SEMA3D: variants seen among roughly 807,000 people sequenced by gnomAD.
The protein encoded by SEMA3D is semaphorin 3D.
In SEMA3D, 84 loss-of-function variants were observed where a neutral mutation model predicts 100.1. That is an observed-to-expected ratio of 0.84 (90% CI 0.70 to 1.01). The LOEUF is 1.01. Among genes scored for constraint, SEMA3D ranks in the 50% least tolerant of loss-of-function variants. The pLI, the probability that SEMA3D is intolerant of heterozygous loss-of-function variation, is 0.00. For synonymous variants in SEMA3D, 312 were observed against 320.7 expected (o/e 0.97, Z 0.29); for missense variants, 875 against 934.1 (o/e 0.94, Z 0.82).
chr7:85,045,401 C>T (rs1454546442), intron 9 of SEMA3D, among the ~76,000 whole-genome samples: 5 of 151,928 alleles, frequency 3.3e-5, no homozygotes, highest in African/African-American at 1.2e-4. Flanking sequence ...GTTAAATAAT[C>T]AGTTTCCTTT....
chr7:85,099,211 T>A (rs1348920810), intron 3 of SEMA3D, among the ~76,000 whole-genome samples: 1 of 151,952 alleles, frequency 6.6e-6, no homozygotes, highest in Admixed American at 6.6e-5. Context: ...GAACTGTAGC[T>A]TCCATGATTC....
At chr7:85,136,938 G>C (rs1460996280) in intron 2 of SEMA3D, among the ~76,000 whole-genome samples, 2 of 151,964 alleles carry the variant, frequency 1.3e-5, no homozygotes, top group African/African-American at 4.8e-5. Context: ...AGCCACTCAG[G>C]GTCAGGGTTT....
Position 85,097,971 on chromosome 7 carries a change from G to C in SEMA3D, c.152-6C>G, listed in dbSNP as rs752607123. The C allele has an allele frequency of 2.7e-6, 4 of 1,463,716 alleles. No homozygotes were observed. In the Admixed American group the frequency reaches 8.8e-5, roughly 32 times the overall value. The allele number at this position is 1,463,716 out of a possible 1,614,324, so 90.7% of individuals were successfully genotyped here. On this transcript the variant is annotated splice_polypyrimidine_tract_variant and splice_region_variant and intron_variant, in intron 3 of 18. Transcript: ENST00000284136. ...GCTATTTGAAAGCAGCAAGTCTATG[G>C]AAAGCAAAAAAAGAAAAGAAAGGAG... is the stretch of plus-strand genomic sequence containing the variant.
the SEMA3D span, among the ~76,000 whole-genome samples, chr7:85,246,430 G>T: frequency 5.3e-5 from 8 of 151,750 alleles, no homozygotes; most frequent in Non-Finnish European, 1.0e-4. Context: ...TTTTTTTTCT[G>T]TGGAGCTGTG....
chr7:85,210,214 T>C, the SEMA3D span, among the ~76,000 whole-genome samples: 19 of 152,186 alleles, frequency 1.2e-4, no homozygotes, highest in East Asian at 3.5e-3. Context: ...AAAACCTGGG[T>C]CTCTACATTA....
chr7:85,152,788 T>C (rs1195501583), intron 2 of SEMA3D, among the ~76,000 whole-genome samples: 1 of 152,146 alleles, frequency 6.6e-6, no homozygotes, highest in Non-Finnish European at 1.5e-5. Flanking sequence ...TGTATTTTGT[T>C]ATTCTATACA....
intron 1 of SEMA3D, among the ~76,000 whole-genome samples, chr7:85,154,604 G>C (rs1336843628): frequency 6.6e-6 from 1 of 152,138 alleles, no homozygotes; most frequent in Admixed American, 6.6e-5. Context: ...TATTGCAAAT[G>C]AAGTAATGGT....
At chr7:85,054,473 T>A (rs560309525) in intron 9 of SEMA3D, among the ~76,000 whole-genome samples, 3 of 152,170 alleles carry the variant, frequency 2.0e-5, no homozygotes, top group African/African-American at 7.2e-5. Flanking sequence ...TACTGTGAAT[T>A]CTTAGAGTCT....
chr7:85,052,982 C>T (rs1051207529), intron 9 of SEMA3D, among the ~76,000 whole-genome samples: 12 of 151,868 alleles, frequency 7.9e-5, no homozygotes, highest in East Asian at 1.9e-4. Context: ...TATCTTTGAC[C>T]GGTCAATAAA....
chr7:85,170,778 T>C (rs1791063299), intron 1 of SEMA3D, among the ~76,000 whole-genome samples: 1 of 152,038 alleles, frequency 6.6e-6, no homozygotes, highest in South Asian at 2.1e-4. Flanking sequence ...AAATATTCAG[T>C]GGTTCCCTAT....
chr7:85,224,970 A>C, the SEMA3D span, among the ~76,000 whole-genome samples: 1 of 148,498 alleles, frequency 6.7e-6, no homozygotes, highest in African/African-American at 2.5e-5. Flanking sequence ...CGAAATACAA[A>C]ATTATTATGT....
At chr7:85,027,962 G>A (rs1203778077) in intron 12 of SEMA3D, 20 of 581,378 alleles carry the variant, frequency 3.4e-5, no homozygotes, top group Non-Finnish European at 4.7e-5. Flanking sequence ...TCACCTTTAC[G>A]GATACCAAAC....
At chr7:85,119,579 A>G (rs1439445123) in intron 3 of SEMA3D, among the ~76,000 whole-genome samples, 1 of 152,082 alleles carries the variant, frequency 6.6e-6, no homozygotes, top group East Asian at 1.9e-4. Flanking sequence ...GGACACCTAG[A>G]GGGGAATAAT....
intron 4 of SEMA3D, among the ~76,000 whole-genome samples, chr7:85,096,038 A>C (rs1788540467): frequency 6.6e-6 from 1 of 152,034 alleles, no homozygotes; most frequent in Admixed American, 6.6e-5. Context: ...AAATTCCCTT[A>C]AAAGTATGAA....
intron 6 of SEMA3D, among the ~76,000 whole-genome samples, chr7:85,072,045 T>C (rs543021695): frequency 6.6e-6 from 1 of 152,338 alleles, no homozygotes; most frequent in Admixed American, 6.5e-5. Context: ...ACTTAATTTT[T>C]ACTAACCTGT....
In SEMA3D at chr7:85,103,916, T is replaced by C. The variant is rs912710017; in HGVS notation, c.152-5951A>G. 2.0e-5 allele frequency among the ~76,000 whole-genome samples: 3 copies of C among 152,126 alleles called. No individual in the cohort carries two copies. In the East Asian group the frequency reaches 5.8e-4, roughly 30 times the overall value. ...AGTAAACCACCATGGGACAATGAAATGGTTCCGAGGATCGAATTTCATATA... is the reference window on the plus strand; with the variant it reads ...AGTAAACCACCATGGGACAATGAAACGGTTCCGAGGATCGAATTTCATATA... On this transcript the variant is annotated intron_variant, in intron 3 of 18. Coordinates refer to ENST00000284136, the MANE Select transcript of SEMA3D (RefSeq NM_001384900.1).
intron 18 of SEMA3D, among the ~76,000 whole-genome samples, chr7:85,005,006 T>C (rs943634232): frequency 1.3e-5 from 2 of 151,330 alleles, no homozygotes; most frequent in Non-Finnish European, 2.9e-5. Flanking sequence ...AAGATGTGAG[T>C]GCAAACAACC....
At chr7:85,200,790 G>A in the SEMA3D span, among the ~76,000 whole-genome samples, 23 of 152,134 alleles carry the variant, frequency 1.5e-4, no homozygotes, top group African/African-American at 5.3e-4. Context: ...AGGCTTGGGG[G>A]AAAAAATGGT....
intron 2 of SEMA3D, among the ~76,000 whole-genome samples, chr7:85,131,613 T>C (rs867064911): frequency 6.6e-6 from 1 of 152,006 alleles, no homozygotes. Context: ...CCAGAAAGGA[T>C]ACTAGTTTCT....
Sources: gnomAD v4.1 joint callset for allele counts (sites outside exome capture counted in the v4.1 genomes callset) on GRCh38, gnomAD v4.1.1 for gene constraint, MANE v1.5 for transcripts, NCBI Gene and HGNC (gene_info 2026-07-23, HGNC 2026-07-21) for gene names.